CFAP263: variants seen among roughly 807,000 people sequenced by gnomAD.
The protein encoded by CFAP263 is cilia and flagella associated protein 263.
At chr16:58,262,949 C>T in the CFAP263 span, among the ~76,000 whole-genome samples, 9 of 152,160 alleles carry the variant, frequency 5.9e-5, no homozygotes, top group African/African-American at 2.2e-4. Flanking sequence ...CATTTAGAGC[C>T]CTGTTTAATT....
chr16:58,268,862 T>C, the CFAP263 span, among the ~76,000 whole-genome samples: 1 of 152,234 alleles, frequency 6.6e-6, no homozygotes, highest in African/African-American at 2.4e-5. Context: ...TATTTTAGTT[T>C]TCTTGTTAAC....
At chr16:58,264,346 AT>A in the CFAP263 span, among the ~76,000 whole-genome samples, 1 of 152,174 alleles carries the variant, frequency 6.6e-6, no homozygotes, top group Non-Finnish European at 1.5e-5. Context: ...GGAGCTACTG[AT>A]TTTTAAAATC....
chr16:58,273,028 T>C, the CFAP263 span, among the ~76,000 whole-genome samples: 17 of 152,354 alleles, frequency 1.1e-4, no homozygotes, highest in African/African-American at 4.1e-4. Context: ...GCCTTCATTG[T>C]TTCTGATAAG....
the CFAP263 span, among the ~76,000 whole-genome samples, chr16:58,275,821 C>T: frequency 6.6e-6 from 1 of 152,110 alleles, no homozygotes; most frequent in Non-Finnish European, 1.5e-5. Context: ...ATGCCTTACG[C>T]TGAAATTAAT....
At chr16:58,268,043 AAG>A in the CFAP263 span, among the ~76,000 whole-genome samples, 22 of 92,038 alleles carry the variant, frequency 2.4e-4, no homozygotes, top group Middle Eastern at 4.8e-3. Flanking sequence ...GAGAGAGAGG[AAG>A]AGAGAGAGAG....
chr16:58,279,972 C>T, the CFAP263 span: 2 of 619,316 alleles, frequency 3.2e-6, no homozygotes, highest in South Asian at 4.3e-5. Context: ...ACTGTTACCA[C>T]TGAAAGAACC....
the CFAP263 span, chr16:58,254,271 G>T: frequency 1.0e-5 from 12 of 1,151,808 alleles, no homozygotes; most frequent in Non-Finnish European, 1.4e-5. Flanking sequence ...AGAAACACAG[G>T]TAGGATGAAG....
chr16:58,267,995 G>A, the CFAP263 span, among the ~76,000 whole-genome samples: 1 of 151,614 alleles, frequency 6.6e-6, no homozygotes, highest in East Asian at 1.9e-4. Context: ...AGGAGAGACA[G>A]AGAGAGGAAA....
At chr16:58,259,288 T>C in the CFAP263 span, among the ~76,000 whole-genome samples, 27 of 152,298 alleles carry the variant, frequency 1.8e-4, no homozygotes, top group African/African-American at 6.0e-4. Flanking sequence ...AGGCTGGTCT[T>C]GAACTCTTGG....
the CFAP263 span, chr16:58,280,125 A>C: frequency 8.1e-7 from 1 of 1,232,884 alleles, no homozygotes. Flanking sequence ...TGGCAGCCCC[A>C]GTGTGCAACT....
the CFAP263 span, among the ~76,000 whole-genome samples, chr16:58,263,649 AT>A: frequency 6.6e-6 from 1 of 152,274 alleles, no homozygotes; most frequent in East Asian, 1.9e-4. Context: ...TTTGTTCAAC[AT>A]TTTCCTTTTA....
At chr16:58,280,351 AAGGGTTGTACAG>A in the CFAP263 span, 8 of 1,614,050 alleles carry the variant, frequency 5.0e-6, no homozygotes, top group Admixed American at 1.7e-5. Flanking sequence ...GTCATAGTAT[AAGGGTTGTACAG>A]ACGCCTCAGG....
At chr16:58,269,916 T>C in the CFAP263 span, among the ~76,000 whole-genome samples, 1 of 152,232 alleles carries the variant, frequency 6.6e-6, no homozygotes, top group East Asian at 1.9e-4. Context: ...CTAGAAAAAC[T>C]ACAAATCTGT....
At chr16:58,269,769 C>T in the CFAP263 span, among the ~76,000 whole-genome samples, 1 of 152,196 alleles carries the variant, frequency 6.6e-6, no homozygotes, top group Non-Finnish European at 1.5e-5. Context: ...TATCATGAGT[C>T]ATCCTGATAT....
chr16:58,278,830 T>C, the CFAP263 span, among the ~76,000 whole-genome samples: 2 of 152,176 alleles, frequency 1.3e-5, no homozygotes, highest in African/African-American at 2.4e-5. Context: ...TTTTGCATTG[T>C]TAGGGGCAGA....
At chr16:58,259,607 C>T in the CFAP263 span, among the ~76,000 whole-genome samples, 1 of 152,224 alleles carries the variant, frequency 6.6e-6, no homozygotes, top group East Asian at 1.9e-4. Flanking sequence ...CAGTAGCATA[C>T]ACCCAAATAA....
At chr16:58,277,353 T>C in the CFAP263 span, among the ~76,000 whole-genome samples, 1 of 152,158 alleles carries the variant, frequency 6.6e-6, no homozygotes, top group Non-Finnish European at 1.5e-5. Context: ...GGTCTCAAAC[T>C]CCTGACCTCA....
At chr16:58,253,302 G>A in the CFAP263 span, among the ~76,000 whole-genome samples, 5 of 152,060 alleles carry the variant, frequency 3.3e-5, no homozygotes, top group African/African-American at 1.2e-4. Context: ...GATTGCTTGA[G>A]CCCAGGAGTT....
the CFAP263 span, among the ~76,000 whole-genome samples, chr16:58,251,213 A>G: frequency 6.6e-6 from 1 of 152,320 alleles, no homozygotes; most frequent in East Asian, 1.9e-4. Flanking sequence ...GGGTAAGGAA[A>G]CAAAGACGCA....
Sources: gnomAD v4.1 joint callset for allele counts (sites outside exome capture counted in the v4.1 genomes callset) on GRCh38, gnomAD v4.1.1 for gene constraint, MANE v1.5 for transcripts, NCBI Gene and HGNC (gene_info 2026-07-23, HGNC 2026-07-21) for gene names.